The following FLNB variants were observed in gnomAD, a reference collection of about 807,000 sequenced individuals.
FLNB encodes the protein filamin-B.
In FLNB, 111 loss-of-function variants were observed where a neutral mutation model predicts 250.6. That is an observed-to-expected ratio of 0.44 (90% confidence interval 0.38 to 0.52). The LOEUF is 0.52. Ranked by LOEUF, FLNB falls within the 20% of genes least tolerant of loss-of-function variation. FLNB has a pLI of 0.00. For missense variants in FLNB, 2,869 were observed against 3,447.8 expected (o/e 0.83, Z 4.20); for synonymous variants, 1,302 against 1,372.1 (o/e 0.95, Z 1.13).
chr3:58,082,353 G>A (rs951824253), intron 4 of FLNB, among the ~76,000 whole-genome samples: 25 of 152,336 alleles, frequency 1.6e-4, no homozygotes, highest in African/African-American at 6.0e-4. Context: ...CTAGCTTTGT[G>A]AAGAGAACAG....
intron 1 of FLNB, among the ~76,000 whole-genome samples, chr3:58,069,087 G>A (rs1364701486): frequency 6.6e-6 from 1 of 150,546 alleles, no homozygotes; most frequent in Non-Finnish European, 1.5e-5. Flanking sequence ...ATGTTGCAGT[G>A]AGCAGAGATT....
At chr3:58,126,496 T>G in intron 23 of FLNB, 106 bp from the exon 24 acceptor site, 1 of 1,015,200 alleles carries the variant, frequency 9.9e-7, no homozygotes, top group Non-Finnish European at 1.5e-6. Flanking sequence ...TGAGTTGGGG[T>G]GGCTACGTGG....
rs1231468380 is a variant in FLNB, at chr3:58,051,627, G to C, written c.293-25419G>C. 3.3e-5 allele frequency among the ~76,000 whole-genome samples: 5 copies of C among 151,996 alleles called. No homozygotes were observed. In the East Asian group the frequency reaches 9.6e-4, roughly 29 times the overall value. ...AAGCTTTTAAATTGCTGATACTCCA[G>C]CCCCACTCCCCAAGAGATGCTGATT... is the stretch of plus-strand genomic sequence containing the variant. On this transcript the variant is annotated intron_variant, in intron 1 of 45. Coordinates refer to ENST00000295956, the MANE Select transcript of FLNB (RefSeq NM_001457.4).
chr3:58,116,192 G>A (rs2097277536), intron 18 of FLNB, among the ~76,000 whole-genome samples: 2 of 152,208 alleles, frequency 1.3e-5, no homozygotes, highest in African/African-American at 2.4e-5. Flanking sequence ...AAAAGCTCAA[G>A]ACTGGGCTAA....
chr3:58,048,466 A>G (rs2097157435), intron 1 of FLNB, among the ~76,000 whole-genome samples: 1 of 152,158 alleles, frequency 6.6e-6, no homozygotes, highest in East Asian at 1.9e-4. Flanking sequence ...CTTGTGATTA[A>G]ATTCAAGTTG....
chr3:58,102,122 G>C (rs189746411), intron 8 of FLNB, 81 bp from the exon 9 acceptor site: 2 of 1,526,592 alleles, frequency 1.3e-6, no homozygotes. Context: ...TTTTCTTGGC[G>C]GGTGGCTCCA....
In FLNB at chr3:58,163,434, C is replaced by T. The variant is rs528716405; in HGVS notation, c.7198+104C>T. 61 of 1,231,152 alleles carry T rather than the reference C, an allele frequency of 5.0e-5. No homozygotes were observed. The African/African-American group carries it at 6.4e-4, about 13-fold the overall frequency. The allele number at this position is 1,231,152 out of a possible 1,614,324, so 76.3% of individuals were successfully genotyped here. ...ATGAAAGCTTTTTACACGTACTCCCCGTGGAAACTGGGGTCATGCACACTT... is the reference window on the plus strand; with the variant it reads ...ATGAAAGCTTTTTACACGTACTCCCTGTGGAAACTGGGGTCATGCACACTT... On this transcript the variant is annotated intron_variant, in intron 43 of 45. Coordinates refer to ENST00000295956, the MANE Select transcript of FLNB (RefSeq NM_001457.4).
intron 1 of FLNB, among the ~76,000 whole-genome samples, chr3:58,055,414 G>A (rs900117805): frequency 3.9e-5 from 6 of 152,172 alleles, no homozygotes; most frequent in Non-Finnish European, 7.3e-5. Flanking sequence ...GGTGGTGGGC[G>A]GGCCATATTT....
intron 1 of FLNB, among the ~76,000 whole-genome samples, chr3:58,029,245 A>C (rs2097127498): frequency 6.6e-6 from 1 of 152,200 alleles, no homozygotes; most frequent in Non-Finnish European, 1.5e-5. Context: ...AAGATATAAC[A>C]AAATGGCCTG....
In FLNB at chr3:58,152,816, G is replaced by GC. The variant is rs775702708; in HGVS notation, c.6368-557dup. On this transcript the variant is annotated intron_variant, in intron 38 of 45. Coordinates refer to ENST00000295956, the MANE Select transcript of FLNB (RefSeq NM_001457.4). ...TCCGTGCCCCGCATGCGGCCGCCTG[G>GC]CCTCACCACGGCAGTGCAGGCACAG... 4.3e-6 allele frequency: 5 copies of GC among 1,173,864 alleles called. No homozygotes were observed. In the East Asian group the frequency reaches 2.1e-4, roughly 49 times the overall value. 72.7% of individuals were successfully genotyped at this position (1,173,864 alleles called of 1,614,324 possible).
chr3:58,153,457 G>A lies in FLNB; in HGVS notation c.6450G>A (p.Lys2150=). 6.2e-7 allele frequency: 1 copy of A among 1,614,258 alleles called. No homozygotes were observed. The highest frequency in any genetic ancestry group is 2.2e-5 in the East Asian group (1 of 44,894). Residue 2150 remains lysine (K), a synonymous_variant, in exon 39 of 46, where the codon AAG becomes AAA. Transcript: ENST00000295956. ...AGGCAGAGATTGTGCCCATGGGGAA[G>A]AACTCACACTGCGTCCGGTTTGTGC... ...VTEAEIVPMG[K]NSHCVRFVPQ... is the part of the protein sequence containing the mutation.
rs780696552 is a variant in FLNB, at chr3:58,097,795, C to T, written c.985-20C>T. The T allele has an allele frequency of 1.2e-6, 2 of 1,612,022 alleles. No individual in the cohort carries two copies. Among genetic ancestry groups the T allele is most frequent in the South Asian group, 2.2e-5 (2 of 90,836 alleles). On this transcript the variant is annotated intron_variant, in intron 6 of 45. Transcript: ENST00000295956. ...CACAGAGAAGTGATTATGTATTTCT[C>T]ACCTATCTGTCACCTATAGGTCACA...
intron 18 of FLNB, among the ~76,000 whole-genome samples, chr3:58,114,584 T>C (rs1488239701): frequency 6.6e-6 from 1 of 152,256 alleles, no homozygotes; most frequent in Non-Finnish European, 1.5e-5. Flanking sequence ...TGGAAATCTC[T>C]TTTTAATTTT....
chr3:58,083,451 C>T (rs1303045704), intron 4 of FLNB, among the ~76,000 whole-genome samples: 4 of 148,824 alleles, frequency 2.7e-5, no homozygotes, highest in Non-Finnish European at 5.9e-5. Context: ...ACTGCAACCT[C>T]TGCCTCCTGG....
chr3:58,121,028 C>T (rs560742942), intron 19 of FLNB, among the ~76,000 whole-genome samples: 25 of 152,196 alleles, frequency 1.6e-4, no homozygotes, highest in Non-Finnish European at 3.4e-4. Flanking sequence ...GCTGTCATCA[C>T]TAATTGATTA....
chr3:58,108,067 A>G lies in FLNB; in HGVS notation c.1942-391A>G, dbSNP rs563297244. 6.1e-3 allele frequency among the ~76,000 whole-genome samples: 927 copies of G among 152,326 alleles called. 41 individuals are homozygous for G. In the East Asian group the frequency reaches 0.14, roughly 23 times the overall value. On this transcript the variant is annotated intron_variant, in intron 12 of 45. Coordinates refer to ENST00000295956, the MANE Select transcript of FLNB (RefSeq NM_001457.4). ...TTCCCTGGGCCACACTGGAAGGAGA[A>G]GAATTGTCTTGGGCCACACATAAAA... is the stretch of plus-strand genomic sequence containing the variant.
At chr3:58,108,351 G>A (rs2097263120) in intron 12 of FLNB, 107 bp from the exon 13 acceptor site, 2 of 753,394 alleles carry the variant, frequency 2.7e-6, no homozygotes, top group African/African-American at 3.5e-5. Flanking sequence ...TGTAAAACCA[G>A]ACACAGGTCA....
intron 13 of FLNB, 138 bp downstream of exon 13, chr3:58,108,709 G>A (rs1189306028): frequency 1.5e-6 from 1 of 677,076 alleles, no homozygotes; most frequent in Non-Finnish European, 2.7e-6. Flanking sequence ...ATCTTATAGG[G>A]TTATGTGAGG....
intron 10 of FLNB, 59 bp downstream of exon 10, chr3:58,104,144 A>G: frequency 1.3e-6 from 2 of 1,581,938 alleles, no homozygotes; most frequent in South Asian, 1.1e-5. Context: ...GGGCGGACTC[A>G]TGGGTAGTTG....
Sources: allele counts gnomAD v4.1 joint callset (sites outside exome capture counted in the v4.1 genomes callset), GRCh38; gene constraint gnomAD v4.1.1; transcripts MANE v1.5; gene names NCBI Gene and HGNC (gene_info 2026-07-23, HGNC 2026-07-21).